The following UNC79 variants were observed in gnomAD, a reference collection of about 807,000 sequenced individuals.
UNC79 encodes unc-79 subunit of NALCN channel complex, also known as protein unc-79 homolog.
In UNC79, 37 loss-of-function variants were observed where a neutral mutation model predicts 283.1. The observed-to-expected ratio is 0.13, with a 90% CI of 0.10 to 0.17. UNC79 has a LOEUF of 0.17. Among genes scored for constraint, UNC79 ranks in the 10% least tolerant of loss-of-function variants. The pLI is 1.00. For synonymous variants in UNC79, 1,107 were observed against 1,200.2 expected (o/e 0.92, Z 1.61); for missense variants, 2,272 against 3,211.1 (o/e 0.71, Z 7.07).
At chr14:93,579,512 A>G (rs1243981292) in intron 18 of UNC79, among the ~76,000 whole-genome samples, 1 of 151,822 alleles carries the variant, frequency 6.6e-6, no homozygotes, top group African/African-American at 2.4e-5. Flanking sequence ...TTATTTATCT[A>G]CTCATCCCGC....
chr14:93,658,455 G>A (rs768490859), intron 38 of UNC79, among the ~76,000 whole-genome samples: 59 of 152,238 alleles, frequency 3.9e-4, no homozygotes, highest in Non-Finnish European at 7.1e-4. Context: ...GTTAATGTAG[G>A]TGCACAGCTG....
intron 10 of UNC79, 105 bp downstream of exon 10, chr14:93,529,431 GTATT>G: frequency 8.5e-7 from 1 of 1,174,962 alleles, no homozygotes; most frequent in Non-Finnish European, 1.2e-6. Flanking sequence ...AGTCACCAAA[GTATT>G]GTATTGTATG....
At chr14:93,656,181 A>C (rs533204085) in intron 38 of UNC79, among the ~76,000 whole-genome samples, 21 of 152,244 alleles carry the variant, frequency 1.4e-4, no homozygotes, top group Non-Finnish European at 2.6e-4. Context: ...GGTGAGTTGA[A>C]GGCATTCATG....
chr14:93,594,451 G>A (rs941545140), intron 23 of UNC79, among the ~76,000 whole-genome samples: 1 of 152,146 alleles, frequency 6.6e-6, no homozygotes, highest in African/African-American at 2.4e-5. Context: ...TGTATTTTTA[G>A]TAGAGACAAG....
At chr14:93,565,769 T>G (rs571382952) in intron 14 of UNC79, among the ~76,000 whole-genome samples, 4 of 152,198 alleles carry the variant, frequency 2.6e-5, no homozygotes, top group African/African-American at 9.6e-5. Flanking sequence ...GGAGGGAGAA[T>G]ACTTAGAAGA....
At chr14:93,497,865 A>G (rs1335724656) in intron 7 of UNC79, among the ~76,000 whole-genome samples, 1 of 152,040 alleles carries the variant, frequency 6.6e-6, no homozygotes, top group African/African-American at 2.4e-5. Flanking sequence ...GCACGACTGT[A>G]GTCCCAGCTA....
At chr14:93,660,563 A>ATATGTGTGTGTGTG (rs1203621990) in intron 39 of UNC79, among the ~76,000 whole-genome samples, 7 of 64,770 alleles carry the variant, frequency 1.1e-4, no homozygotes, top group Non-Finnish European at 1.7e-4. Flanking sequence ...ATATATATAT[A>ATATGTGTGTGTGTG]TGTGTGTGTG....
intron 47 of UNC79, among the ~76,000 whole-genome samples, chr14:93,698,476 GTTTTTTTT>G (rs71129655): frequency 6.3e-5 from 5 of 79,096 alleles, no homozygotes; most frequent in African/African-American, 1.2e-4. Flanking sequence ...TTTAGTTTAG[GTTTTTTTT>G]TTTTTTTTTT....
At chr14:93,431,540 A>G (rs111615527) in intron 1 of UNC79, among the ~76,000 whole-genome samples, 2,311 of 152,148 alleles carry the variant, frequency 0.015, 15 homozygotes, top group Non-Finnish European at 0.023. Flanking sequence ...TGGAAGAGGC[A>G]AGAAGGGAGA....
intron 1 of UNC79, among the ~76,000 whole-genome samples, chr14:93,407,754 A>G (rs1229528142): frequency 3.9e-5 from 6 of 152,204 alleles, no homozygotes; most frequent in African/African-American, 1.2e-4. Context: ...TTATAAGATT[A>G]TAGAATGCTT....
chr14:93,673,471 A>C lies in UNC79; in HGVS notation c.6741+16A>C. On this transcript the variant is annotated intron_variant, in intron 41 of 48. Coordinates refer to ENST00000555664, the Ensembl canonical transcript of UNC79. The stretch of plus-strand genomic sequence containing the variant: ...GCTTGTTCAGGTAAGCTCATGCTTG[A>C]TTTGTAAAACTTTTCATGAGATCCA... 6.2e-7 allele frequency: 1 copy of C among 1,607,440 alleles called. No homozygotes were observed. Among genetic ancestry groups the C allele is most frequent in the Non-Finnish European group, 8.5e-7 (1 of 1,177,538 alleles).
chr14:93,595,015 G>C (rs568537058), intron 23 of UNC79, among the ~76,000 whole-genome samples: 1 of 151,694 alleles, frequency 6.6e-6, no homozygotes, highest in South Asian at 2.1e-4. Context: ...ACATCATGTT[G>C]TGGAGGGTTA....
chr14:93,643,456 C>G, intron 33 of UNC79, 101 bp from the exon 37 acceptor site: 1 of 1,574,360 alleles, frequency 6.4e-7, no homozygotes, highest in Non-Finnish European at 8.7e-7. Context: ...CTTTTGGAGA[C>G]TTTTCCAAGA....
At chr14:93,402,391 C>T (rs1258635574) in intron 1 of UNC79, among the ~76,000 whole-genome samples, 2 of 150,030 alleles carry the variant, frequency 1.3e-5, no homozygotes, top group African/African-American at 2.4e-5. Context: ...GTCAAAAACC[C>T]TAAAACTAAA....
chr14:93,340,570 AC>A (rs914174585), intron 1 of UNC79, among the ~76,000 whole-genome samples: 10 of 149,654 alleles, frequency 6.7e-5, no homozygotes, highest in Non-Finnish European at 3.0e-5. Context: ...TGTAGGAGAA[AC>A]TTTTTTTTTT....
chr14:93,476,194 C>T (rs143111688), intron 3 of UNC79, among the ~76,000 whole-genome samples: 25 of 152,110 alleles, frequency 1.6e-4, no homozygotes, highest in South Asian at 1.2e-3. Context: ...GCACTAAGAC[C>T]GGAGGCTGTG....
At chr14:93,335,986 C>T (rs1474693842) in intron 1 of UNC79, among the ~76,000 whole-genome samples, 1 of 152,194 alleles carries the variant, frequency 6.6e-6, no homozygotes, top group African/African-American at 2.4e-5. Context: ...GCATCCCATC[C>T]ACCTGGTCAT....
intron 23 of UNC79, among the ~76,000 whole-genome samples, chr14:93,595,930 T>G (rs1234407116): frequency 6.6e-6 from 1 of 152,108 alleles, no homozygotes; most frequent in Non-Finnish European, 1.5e-5. Context: ...ATATGTGTGC[T>G]TAATATATAT....
At chr14:93,632,026 G>A (rs895422150) in intron 31 of UNC79, among the ~76,000 whole-genome samples, 9 of 152,160 alleles carry the variant, frequency 5.9e-5, no homozygotes, top group Non-Finnish European at 1.3e-4. Flanking sequence ...GATGTTGTTG[G>A]CCCCATATTA....
Sources: allele counts gnomAD v4.1 joint callset (sites outside exome capture counted in the v4.1 genomes callset), GRCh38; gene constraint gnomAD v4.1.1; transcripts MANE v1.5; gene names NCBI Gene and HGNC (gene_info 2026-07-23, HGNC 2026-07-21).